Variants in MAGI1 observed in about 807,000 individuals in gnomAD.
MAGI1 encodes the protein membrane associated guanylate kinase, WW and PDZ domain containing 1, also known as membrane-associated guanylate kinase, WW and PDZ domain-containing protein 1.
In MAGI1, 58 loss-of-function variants were observed where a neutral mutation model predicts 139.9. The ratio of observed to expected loss-of-function variants is 0.41; its 90% CI spans 0.34 to 0.52. The LOEUF is 0.52. Among genes scored for constraint, MAGI1 ranks in the 20% least tolerant of loss-of-function variants. MAGI1 has a pLI of 0.12. For missense variants in MAGI1, 1,874 were observed against 1,901.6 expected (o/e 0.99, Z 0.27); for synonymous variants, 812 against 737.9 (o/e 1.10, Z -1.63).
At chr3:65,659,033 G>A (rs1054482999) in intron 1 of MAGI1, among the ~76,000 whole-genome samples, 3 of 152,112 alleles carry the variant, frequency 2.0e-5, no homozygotes, top group Non-Finnish European at 4.4e-5. Context: ...CAACAGCCAG[G>A]TAAGTCCTAT....
chr3:65,736,834 A>G (rs1246665030), intron 1 of MAGI1, among the ~76,000 whole-genome samples: 3 of 152,174 alleles, frequency 2.0e-5, no homozygotes, highest in African/African-American at 7.2e-5. Context: ...TACACCCAGA[A>G]ATAATGTTTT....
intron 1 of MAGI1, among the ~76,000 whole-genome samples, chr3:65,908,170 C>G (rs2061511973): frequency 6.6e-6 from 1 of 152,158 alleles, no homozygotes; most frequent in African/African-American, 2.4e-5. Flanking sequence ...TTTGCTAGCT[C>G]ACATACACCA....
chr3:65,864,625 T>C (rs146185199), intron 1 of MAGI1, among the ~76,000 whole-genome samples: 311 of 152,322 alleles, frequency 2.0e-3, no homozygotes, highest in African/African-American at 7.2e-3. Flanking sequence ...TTTCCCAGAT[T>C]GAACCAGGTT....
At chr3:65,747,320 T>C (rs1227093837) in intron 1 of MAGI1, among the ~76,000 whole-genome samples, 1 of 152,176 alleles carries the variant, frequency 6.6e-6, no homozygotes, top group Non-Finnish European at 1.5e-5. Context: ...CTTACAGTTA[T>C]GTTTTCCAGA....
Position 65,470,427 on chromosome 3 carries a change from T to C in MAGI1, c.815A>G (p.Asn272Ser). The change falls in exon 5 of 23, where the codon AAT (asparagine) becomes AGT (serine). Residue 272 changes from asparagine (N) to serine (S), a missense_variant. This residue lies in a region of MAGI1 where 648 missense variants were observed against 598.1 expected (regional missense o/e 1.08). Coordinates refer to ENST00000402939, the MANE Select transcript of MAGI1 (RefSeq NM_001033057.2). The part of the protein sequence containing the change: ...TLQETALPPV[N>S]SSIIAAPITD... ...GATGGGAGCAGCGATGATGCTACTA[T>C]TCACAGGTGGTAATGCTGTTTCTTG... The C allele has an allele frequency of 6.2e-7, 1 of 1,613,942 alleles. No homozygotes were observed. Among genetic ancestry groups the C allele is most frequent in the Non-Finnish European group, 8.5e-7 (1 of 1,179,962 alleles).
chr3:65,725,829 A>C (rs1049163411), intron 1 of MAGI1, among the ~76,000 whole-genome samples: 18 of 152,238 alleles, frequency 1.2e-4, no homozygotes, highest in African/African-American at 4.1e-4. Flanking sequence ...AGACTCTCCA[A>C]GCTGGTTGCT....
chr3:65,707,440 C>A (rs1049498416), intron 1 of MAGI1, among the ~76,000 whole-genome samples: 1 of 152,156 alleles, frequency 6.6e-6, no homozygotes, highest in Non-Finnish European at 1.5e-5. Flanking sequence ...TATCCCAGCA[C>A]TTTGGGAGGC....
chr3:65,474,124 G>T (rs184771924), intron 4 of MAGI1, among the ~76,000 whole-genome samples: 30 of 152,250 alleles, frequency 2.0e-4, no homozygotes, highest in Non-Finnish European at 3.8e-4. Context: ...AATTAGCCGG[G>T]TGTAGTGGCA....
chr3:65,880,908 CGTGTGT>C (rs11271375), intron 1 of MAGI1, among the ~76,000 whole-genome samples: 4 of 145,578 alleles, frequency 2.7e-5, no homozygotes, highest in African/African-American at 5.1e-5. Flanking sequence ...ATATCTCTGG[CGTGTGT>C]GTGTGTGTGT....
At chr3:65,516,410 C>T (rs1363439320) in intron 2 of MAGI1, among the ~76,000 whole-genome samples, 3 of 152,094 alleles carry the variant, frequency 2.0e-5, no homozygotes, top group African/African-American at 7.2e-5. Context: ...GATCTCTTGA[C>T]CTTGGGATCC....
At chr3:65,511,441 A>G in intron 2 of MAGI1, among the ~76,000 whole-genome samples, 1 of 117,468 alleles carries the variant, frequency 8.5e-6, no homozygotes, top group African/African-American at 3.3e-5. Context: ...ATAGGCTCAA[A>G]ATAAAAGGAT....
intron 1 of MAGI1, among the ~76,000 whole-genome samples, chr3:65,963,907 G>A (rs1025175307): frequency 3.9e-5 from 6 of 152,106 alleles, no homozygotes; most frequent in African/African-American, 1.4e-4. Context: ...TCATATATTA[G>A]ACAAATACAG....
intron 10 of MAGI1, among the ~76,000 whole-genome samples, chr3:65,436,264 T>C (rs1212486731): frequency 6.6e-6 from 1 of 152,134 alleles, no homozygotes; most frequent in Non-Finnish European, 1.5e-5. Flanking sequence ...TCTTTTAAAA[T>C]ATAGAAAGGA....
intron 1 of MAGI1, among the ~76,000 whole-genome samples, chr3:65,933,240 G>A (rs997670676): frequency 6.6e-6 from 1 of 152,178 alleles, no homozygotes; most frequent in Non-Finnish European, 1.5e-5. Flanking sequence ...TTATCTCACA[G>A]AGTTTCTACA....
Position 65,588,812 on chromosome 3 carries a change from A to C in MAGI1, c.430+33160T>G, listed in dbSNP as rs927164257. 2.0e-5 allele frequency among the ~76,000 whole-genome samples: 3 copies of C among 152,200 alleles called. No homozygotes were observed. In the East Asian group the frequency reaches 5.8e-4, roughly 29 times the overall value. ...CAACATGCTCAATAAATTTTTATTG[A>C]ACGAATGATGAATGATAGTAGAGTC... On this transcript the variant is annotated intron_variant, in intron 2 of 22. Coordinates refer to ENST00000402939, the MANE Select transcript of MAGI1 (RefSeq NM_001033057.2).
chr3:65,688,594 G>T, intron 1 of MAGI1: 1 of 300,064 alleles, frequency 3.3e-6, no homozygotes, highest in East Asian at 7.5e-5. Context: ...ATAGCAGGAA[G>T]GGAAATAAAC....
At chr3:65,995,207 A>T (rs180732869) in intron 1 of MAGI1, among the ~76,000 whole-genome samples, 1 of 152,366 alleles carries the variant, frequency 6.6e-6, no homozygotes, top group East Asian at 1.9e-4. Flanking sequence ...GAAGACAGAC[A>T]ACAAGAAACA....
chr3:65,682,380 G>C (rs1190452025), intron 1 of MAGI1, among the ~76,000 whole-genome samples: 1 of 152,182 alleles, frequency 6.6e-6, no homozygotes, highest in African/African-American at 2.4e-5. Context: ...CCTAGATCAA[G>C]GGAAGAAGAA....
chr3:65,755,101 C>T lies in MAGI1; in HGVS notation c.314-133013G>A, dbSNP rs546379213. ...TAGCTGGGATTACAGGCGCGTGCCACGAGGCCCAGCTAATTTTTGTACTTT... is the reference window on the plus strand; with the variant it reads ...TAGCTGGGATTACAGGCGCGTGCCATGAGGCCCAGCTAATTTTTGTACTTT... On this transcript the variant is annotated intron_variant, in intron 1 of 22. Transcript: ENST00000402939. Among the ~76,000 whole-genome samples, 3 of 151,940 alleles carry T rather than the reference C, an allele frequency of 2.0e-5. No individual in the cohort carries two copies. In the South Asian group the frequency reaches 6.2e-4, roughly 32 times the overall value.
Sources: allele counts gnomAD v4.1 joint callset (sites outside exome capture counted in the v4.1 genomes callset), GRCh38; gene constraint gnomAD v4.1.1; regional missense constraint gnomAD v4.1.1; transcripts MANE v1.5; gene names NCBI Gene and HGNC (gene_info 2026-07-23, HGNC 2026-07-21).